The following FBXW12 variants were observed in gnomAD, a reference collection of about 807,000 sequenced individuals.
The protein encoded by FBXW12 is F-box and WD repeat domain containing 12, also known as F-box/WD repeat-containing protein 12.
In FBXW12, 43 loss-of-function variants were observed where a neutral mutation model predicts 55.3. That is an observed-to-expected ratio of 0.78 (90% confidence interval 0.61 to 1.00). The LOEUF (loss-of-function observed/expected upper bound fraction) is 1.00, where lower values mean the gene tolerates loss of function less well. Among genes scored for constraint, FBXW12 ranks in the 50% least tolerant of loss-of-function variants. The pLI is 0.00. For missense variants in FBXW12, 524 were observed against 560.5 expected, an observed-to-expected ratio of 0.93 and a Z score of 0.66; for synonymous variants, 184 against 203.8, an observed-to-expected ratio of 0.90 and a Z score of 0.83.
rs575038406 is a variant in FBXW12 at position 48,381,604 on chromosome 3, C to T, written c.986-96C>T. 5.9e-6 allele frequency: 8 copies of T among 1,356,856 alleles called. No individual in the cohort carries two copies. In the South Asian group the frequency reaches 1.1e-4, roughly 19 times the overall value. The allele number at this position is 1,356,856 out of a possible 1,614,324, so 84.1% of individuals were successfully genotyped here. On this transcript the variant is annotated intron_variant, in intron 8 of 10. Coordinates refer to ENST00000296438, the MANE Select transcript of FBXW12 (RefSeq NM_207102.2). Reference sequence around the variant, plus strand: ...GAAGTCTGTGGAAGTGGGGACTATGCTTTTTTATTCAGTGTGAGGATATTA... The same window carrying T: ...GAAGTCTGTGGAAGTGGGGACTATGTTTTTTTATTCAGTGTGAGGATATTA...
At chr3:48,379,667 CTA>C in intron 7 of FBXW12, 109 bp downstream of exon 7, 1 of 835,962 alleles carries the variant, frequency 1.2e-6, no homozygotes, top group South Asian at 1.6e-5. Context: ...TCCTTCCTCT[CTA>C]AGACCACATC....
At chr3:48,373,489 G>A (rs1385467016) in intron 3 of FBXW12, 59 bp from the exon 4 acceptor site, 29 of 1,603,440 alleles carry the variant, frequency 1.8e-5, no homozygotes, top group Admixed American at 3.3e-5. Flanking sequence ...ATATAACCGG[G>A]GCTCTGAGGA....
intron 4 of FBXW12, among the ~76,000 whole-genome samples, chr3:48,374,988 C>T (rs1447845706): frequency 6.6e-6 from 1 of 152,048 alleles, no homozygotes; most frequent in Non-Finnish European, 1.5e-5. Flanking sequence ...GTCTAGAACT[C>T]CTGGCCTCAA....
chr3:48,386,941 CTTT>C (rs34140121), intron 10 of FBXW12, among the ~76,000 whole-genome samples: 3 of 141,998 alleles, frequency 2.1e-5, no homozygotes, highest in Admixed American at 7.0e-5. Context: ...TCTTCTTCTT[CTTT>C]TTTTTTTTTT....
chr3:48,383,722 A>C (rs2036809464), intron 10 of FBXW12, among the ~76,000 whole-genome samples: 1 of 152,138 alleles, frequency 6.6e-6, no homozygotes, highest in South Asian at 2.1e-4. Flanking sequence ...TAGGTCTCTG[A>C]TGTATTTTGA....
intron 10 of FBXW12, among the ~76,000 whole-genome samples, chr3:48,391,316 A>G (rs2036923793): frequency 2.9e-5 from 2 of 69,658 alleles, no homozygotes; most frequent in Admixed American, 3.8e-4. Flanking sequence ...ATATCTATCT[A>G]TACACACACA....
chr3:48,373,262 C>G (rs2036629497), intron 2 of FBXW12, 46 bp from the exon 3 acceptor site: 2 of 1,614,068 alleles, frequency 1.2e-6, no homozygotes, highest in African/African-American at 1.3e-5. Context: ...CCCTTGCTCT[C>G]TGATGTAACT....
chr3:48,394,004 C>T (rs1215927992), intron 10 of FBXW12, among the ~76,000 whole-genome samples: 1 of 151,860 alleles, frequency 6.6e-6, no homozygotes, highest in South Asian at 2.1e-4. Context: ...GTCTTGATCT[C>T]CTGACCTTGT....
At chr3:48,375,575 A>C in intron 5 of FBXW12, 103 bp downstream of exon 5, 3 of 689,086 alleles carry the variant, frequency 4.4e-6, no homozygotes, top group Middle Eastern at 5.0e-4. Flanking sequence ...AAGTGGTAAC[A>C]AAAACAAAGT....
In FBXW12 at chr3:48,379,684, G is replaced by A; in HGVS notation, c.774+126G>A. On this transcript the variant is annotated intron_variant, in intron 7 of 10. Transcript: ENST00000296438. ...CTTCCTCTCTAAGACCACATCACAA[G>A]GGGAATCCATTGTGATGGTCAGGAA... 6 of 730,334 alleles carry A rather than the reference G, an allele frequency of 8.2e-6. No homozygotes were observed. In the South Asian group the frequency reaches 1.1e-4, roughly 13 times the overall value. The allele number at this position is 730,334 out of a possible 1,614,324, so 45.2% of individuals were successfully genotyped here. A position where few individuals can be genotyped will look rare whatever the true frequency, so the allele number is the denominator to read the frequency against.
chr3:48,373,540 G>C lies in FBXW12; in HGVS notation c.129-8G>C. ...AACAGCCTGATGGGACTGTGACTCT[G>C]TTTCCAGGTCACTATCTCTGCAGAG... is the stretch of plus-strand genomic sequence containing the variant. On this transcript the variant is annotated splice_polypyrimidine_tract_variant and splice_region_variant and intron_variant, in intron 3 of 10. Transcript: ENST00000296438. 6.2e-7 allele frequency: 1 copy of C among 1,612,024 alleles called. No individual in the cohort carries two copies. The highest frequency in any genetic ancestry group is 8.5e-7 in the Non-Finnish European group (1 of 1,178,286).
intron 3 of FBXW12, 84 bp downstream of exon 3, chr3:48,373,429 G>T (rs2036632500): frequency 1.2e-6 from 2 of 1,611,290 alleles, no homozygotes; most frequent in Admixed American, 1.7e-5. Context: ...GGCCTGTGTG[G>T]CTGTGTTGTG....
rs2036635766 is a variant in FBXW12, at chr3:48,373,612, T to C, written c.193T>C (p.Trp65Arg). Residue 65 changes from tryptophan (W) to arginine (R), a missense_variant, in exon 4 of 11, where the codon TGG becomes CGG. Trp to Arg is a moderately radical substitution (Grantham distance 101). Transcript: ENST00000296438. ...FTNQHLGTHT[W>R]KQFFLHQRRK... ...CAATCAACACCTGGGCACACACACATGGAAGCAATTTTTCCTGCATCAAAG... is the reference window on the plus strand; with the variant it reads ...CAATCAACACCTGGGCACACACACACGGAAGCAATTTTTCCTGCATCAAAG... 1.9e-6 allele frequency: 3 copies of C among 1,613,456 alleles called. No homozygotes were observed. Among genetic ancestry groups the C allele is most frequent in the Non-Finnish European group, 2.5e-6 (3 of 1,179,978 alleles).
At chr3:48,387,560 T>C (rs2036865083) in intron 10 of FBXW12, among the ~76,000 whole-genome samples, 1 of 151,962 alleles carries the variant, frequency 6.6e-6, no homozygotes, top group African/African-American at 2.4e-5. Flanking sequence ...TGTTTGTTTG[T>C]TTGTTTTTAG....
intron 3 of FBXW12, 27 bp downstream of exon 3, chr3:48,373,372 G>A: frequency 6.2e-7 from 1 of 1,614,184 alleles, no homozygotes; most frequent in Non-Finnish European, 8.5e-7. Context: ...GGCAAGGAGG[G>A]AAGGGGAGAG....
At chr3:48,382,179 T>C (rs1387696991) in intron 10 of FBXW12, 94 bp downstream of exon 10, 6 of 1,388,378 alleles carry the variant, frequency 4.3e-6, no homozygotes, top group Middle Eastern at 2.6e-4. Flanking sequence ...TGCAGTGGCG[T>C]GATCTCAACT....
At chr3:48,394,415 AG>A in intron 10 of FBXW12, 144 bp from the exon 11 acceptor site, 1 of 582,128 alleles carries the variant, frequency 1.7e-6, no homozygotes, top group Non-Finnish European at 3.0e-6. Context: ...GATTTTATGT[AG>A]TTATTCAAAA....
intron 5 of FBXW12, 95 bp from the exon 6 acceptor site, chr3:48,378,222 A>G: frequency 1.1e-6 from 1 of 937,926 alleles, no homozygotes; most frequent in Non-Finnish European, 1.7e-6. Flanking sequence ...AGAAGATCTG[A>G]TTTGGAAGAG....
In FBXW12 at chr3:48,372,792, G is replaced by T; in HGVS notation, c.25G>T (p.Ala9Ser). 6.2e-7 allele frequency: 1 copy of T among 1,614,216 alleles called. No homozygotes were observed. The highest frequency in any genetic ancestry group is 1.7e-5 in the Admixed American group (1 of 60,032). MEIRLPDL[A>S]LKRIFSFLDL... ...AATGGAGATCCGATTGCCTGACTTA[G>T]CTTTGAAGCGAATCTTCTCTTTCCT... Residue 9 changes from alanine to serine, a missense_variant, in exon 2 of 11, where the codon GCT (alanine) becomes TCT (serine). Transcript: ENST00000296438.
Sources: gnomAD v4.1 joint callset for allele counts (sites outside exome capture counted in the v4.1 genomes callset) on GRCh38, gnomAD v4.1.1 for gene constraint, MANE v1.5 for transcripts, NCBI Gene and HGNC (gene_info 2026-07-23, HGNC 2026-07-21) for gene names.